The following DACH2 variants were observed in gnomAD, a reference collection of about 807,000 sequenced individuals.
DACH2 encodes the protein dachshund homolog 2.
In DACH2, 17 loss-of-function variants were observed where a neutral mutation model predicts 35.8. That is an observed-to-expected ratio of 0.48 (90% confidence interval 0.33 to 0.71). The LOEUF (loss-of-function observed/expected upper bound fraction) is 0.71. Ranked by LOEUF, DACH2 falls within the 30% of genes least tolerant of loss-of-function variation. The probability of loss-of-function intolerance (pLI) is 0.02; values close to 1 mark genes in which losing one functional copy is unlikely to be tolerated. For synonymous variants in DACH2, 195 were observed against 177.3 expected (o/e 1.10, Z -0.79); for missense variants, 469 against 472.7 (o/e 0.99, Z 0.07).
intron 6 of DACH2, among the ~76,000 whole-genome samples, chrX:86,722,853 C>A (rs940494932): frequency 9.0e-6 from 1 of 111,322 alleles, no homozygotes; most frequent in Non-Finnish European, 1.9e-5. Context: ...TTACTGGCCT[C>A]ATAGCATTAT....
intron 1 of DACH2, among the ~76,000 whole-genome samples, chrX:86,182,008 C>T (rs1419316895): frequency 3.6e-5 from 4 of 111,793 alleles, no homozygotes; most frequent in African/African-American, 1.3e-4. Context: ...TGTTCATGTC[C>T]TTCACCCACT....
At chrX:86,297,033 A>C (rs1319164593) in intron 1 of DACH2, among the ~76,000 whole-genome samples, 1 of 72,556 alleles carries the variant, frequency 1.4e-5, no homozygotes, top group Non-Finnish European at 2.5e-5. Context: ...CTATAAATAA[A>C]TATAATTGTG....
chrX:86,613,528 G>A (rs994420804), intron 3 of DACH2, among the ~76,000 whole-genome samples: 2 of 111,528 alleles, frequency 1.8e-5, no homozygotes, highest in African/African-American at 6.5e-5. Context: ...AAAAATATGG[G>A]CAATGACTTC....
intron 1 of DACH2, among the ~76,000 whole-genome samples, chrX:86,240,999 A>G (rs1019134308): frequency 9.0e-6 from 1 of 111,504 alleles, no homozygotes; most frequent in Non-Finnish European, 1.9e-5. Flanking sequence ...TATTTTCTTT[A>G]TAAATTACTT....
At chrX:86,602,250 A>G (rs1171058369) in intron 3 of DACH2, among the ~76,000 whole-genome samples, 1 of 112,136 alleles carries the variant, frequency 8.9e-6, no homozygotes, top group Non-Finnish European at 1.9e-5. Context: ...TTTACTCGCC[A>G]ATAAGAAGAT....
At chrX:86,488,637 A>G (rs2038050972) in intron 2 of DACH2, among the ~76,000 whole-genome samples, 1 of 111,428 alleles carries the variant, frequency 9.0e-6, no homozygotes, top group Non-Finnish European at 1.9e-5. Flanking sequence ...AAATATAAAT[A>G]TTTGAAGTAA....
intron 7 of DACH2, among the ~76,000 whole-genome samples, chrX:86,792,548 C>A (rs1398915641): frequency 1.8e-5 from 2 of 111,577 alleles, no homozygotes; most frequent in Non-Finnish European, 3.8e-5. Context: ...CCTTTCCCAG[C>A]CTCTGATAAC....
intron 2 of DACH2, among the ~76,000 whole-genome samples, chrX:86,463,805 C>T (rs1214963541): frequency 1.8e-5 from 2 of 111,118 alleles, no homozygotes; most frequent in African/African-American, 3.3e-5. Context: ...CCAGAATCTA[C>T]AAGGAACTTA....
chrX:86,398,639 C>T (rs1014917462), intron 2 of DACH2, among the ~76,000 whole-genome samples: 32 of 111,874 alleles, frequency 2.9e-4, no homozygotes, highest in Admixed American at 7.6e-4. Context: ...GCCTTCATTT[C>T]GTTATGTACC....
At chrX:86,485,785 G>C (rs773484877) in intron 2 of DACH2, among the ~76,000 whole-genome samples, 2 of 111,231 alleles carry the variant, frequency 1.8e-5, no homozygotes, top group African/African-American at 6.5e-5. Flanking sequence ...CCACATATTT[G>C]TTTTCTCTTA....
At chrX:86,380,532 A>G (rs2036030819) in intron 2 of DACH2, among the ~76,000 whole-genome samples, 1 of 110,947 alleles carries the variant, frequency 9.0e-6, no homozygotes, top group Admixed American at 9.6e-5. Context: ...CAGATAAAGC[A>G]GGAAGAAAAA....
chrX:86,192,432 A>G (rs933483712), intron 1 of DACH2, among the ~76,000 whole-genome samples: 4 of 112,076 alleles, frequency 3.6e-5, no homozygotes, highest in African/African-American at 1.3e-4. Context: ...AACTTTAACT[A>G]TTCAATCTAT....
At chrX:86,502,280 A>C (rs2038262848) in intron 2 of DACH2, among the ~76,000 whole-genome samples, 1 of 111,682 alleles carries the variant, frequency 9.0e-6, no homozygotes, top group Non-Finnish European at 1.9e-5. Flanking sequence ...AAACGATGAA[A>C]GTGCTGTGCA....
At chrX:86,670,119 C>T (rs2040747825) in intron 4 of DACH2, among the ~76,000 whole-genome samples, 1 of 111,305 alleles carries the variant, frequency 9.0e-6, no homozygotes, top group African/African-American at 3.3e-5. Context: ...TATACTTATT[C>T]AACAGTGTAA....
chrX:86,295,387 C>A (rs918522989), intron 1 of DACH2, among the ~76,000 whole-genome samples: 1 of 112,131 alleles, frequency 8.9e-6, no homozygotes, highest in African/African-American at 3.2e-5. Flanking sequence ...TTCTGCGTCG[C>A]TCACGCTGGG....
intron 3 of DACH2, among the ~76,000 whole-genome samples, chrX:86,531,081 G>T (rs781699033): frequency 8.9e-6 from 1 of 111,987 alleles, no homozygotes; most frequent in African/African-American, 3.2e-5. Flanking sequence ...TTCAAGATGT[G>T]ACATGACTTT....
intron 2 of DACH2, among the ~76,000 whole-genome samples, chrX:86,380,738 C>T (rs1332784656): frequency 9.1e-6 from 1 of 110,211 alleles, no homozygotes; most frequent in East Asian, 2.9e-4. Flanking sequence ...ATCCTAAAAT[C>T]AGTGTGTATC....
At chrX:86,340,113 G>A (rs762744250) in intron 1 of DACH2, among the ~76,000 whole-genome samples, 24 of 111,696 alleles carry the variant, frequency 2.1e-4, no homozygotes, top group African/African-American at 7.8e-4. Flanking sequence ...GTTTGGCTTG[G>A]CTGATTTTCC....
chrX:86,453,397 A>G lies in DACH2; in HGVS notation c.528-60882A>G, dbSNP rs371053914. 2.8e-4 allele frequency among the ~76,000 whole-genome samples: 31 copies of G among 111,816 alleles called. No homozygotes were observed. The East Asian group carries it at 3.4e-3, about 12-fold the overall frequency. The stretch of plus-strand genomic sequence containing the variant: ...ATTTTCTGTCTCATTGGTCTATCTT[A>G]TATTGTCAGTGAGGTTTTAACTTCT... On this transcript the variant is annotated intron_variant, in intron 2 of 11. Transcript: ENST00000373125.
Sources: gnomAD v4.1 joint callset for allele counts (sites outside exome capture counted in the v4.1 genomes callset) on GRCh38, gnomAD v4.1.1 for gene constraint, MANE v1.5 for transcripts, NCBI Gene and HGNC (gene_info 2026-07-23, HGNC 2026-07-21) for gene names.